The following GABBR2 variants were observed in gnomAD, a reference collection of about 807,000 sequenced individuals.
The protein encoded by GABBR2 is G-protein coupled receptor 51.
GABBR2 carries 23 observed loss-of-function variants against 105.6 expected under a neutral mutation model. That is an observed-to-expected ratio of 0.22 (90% CI 0.16 to 0.31). GABBR2 has a LOEUF of 0.31. Among genes scored for constraint, GABBR2 ranks in the 10% least tolerant of loss-of-function variants. The probability of loss-of-function intolerance (pLI) is 1.00; values close to 1 mark genes in which losing one functional copy is unlikely to be tolerated. For missense variants in GABBR2, 734 were observed against 1,245.5 expected, an observed-to-expected ratio of 0.59 and a Z score of 6.18; for synonymous variants, 478 against 499.7, an observed-to-expected ratio of 0.96 and a Z score of 0.58.
chr9:98,418,430 G>T (rs1832725716), intron 7 of GABBR2, among the ~76,000 whole-genome samples: 1 of 152,074 alleles, frequency 6.6e-6, no homozygotes, highest in African/African-American at 2.4e-5. Flanking sequence ...AGCTACTCAG[G>T]GGGCTGAGGT....
chr9:98,354,759 C>G (rs1831457030), intron 13 of GABBR2, among the ~76,000 whole-genome samples: 1 of 152,202 alleles, frequency 6.6e-6, no homozygotes, highest in African/African-American at 2.4e-5. Flanking sequence ...TTATCCAGAT[C>G]ACTCAAATAT....
chr9:98,623,959 G>A (rs10120452), intron 1 of GABBR2, among the ~76,000 whole-genome samples: 25,519 of 152,134 alleles, frequency 0.17, 2,675 homozygotes, highest in African/African-American at 0.29. Context: ...AGGGCAGCTC[G>A]GTAACTTCTC....
intron 1 of GABBR2, among the ~76,000 whole-genome samples, chr9:98,663,745 G>A (rs564956316): frequency 2.0e-5 from 3 of 151,502 alleles, no homozygotes; most frequent in African/African-American, 2.4e-5. Context: ...TCTGAAGGAA[G>A]GCCTAGGTTC....
At chr9:98,438,823 GCTGCTTTGGTAA>G (rs1275287322) in intron 7 of GABBR2, among the ~76,000 whole-genome samples, 14 of 152,160 alleles carry the variant, frequency 9.2e-5, no homozygotes, top group African/African-American at 3.4e-4. Context: ...AGTACTGTTT[GCTGCTTTGGTAA>G]CTACACAAGC....
intron 13 of GABBR2, among the ~76,000 whole-genome samples, chr9:98,360,082 G>A (rs775399670): frequency 3.3e-5 from 5 of 152,158 alleles, no homozygotes; most frequent in African/African-American, 9.7e-5. Context: ...CTCAGAGTCC[G>A]GAGCACACAG....
Position 98,600,329 on chromosome 9 carries a change from C to T in GABBR2, c.322-22257G>A, listed in dbSNP as rs1005079508. On this transcript the variant is annotated intron_variant, in intron 1 of 18. Coordinates refer to ENST00000259455, the MANE Select transcript of GABBR2 (RefSeq NM_005458.8). The stretch of plus-strand genomic sequence containing the variant: ...GGAGTATTTCTAGCTGACCTCCCCG[C>T]TCCAATAGCATCAACCATCATCTGT... Among the ~76,000 whole-genome samples the T allele has an allele frequency of 2.6e-5, 4 of 152,184 alleles. No individual in the cohort carries two copies. The East Asian group carries it at 7.7e-4, about 29-fold the overall frequency.
At chr9:98,554,484 A>G (rs940045927) in intron 2 of GABBR2, among the ~76,000 whole-genome samples, 3 of 152,224 alleles carry the variant, frequency 2.0e-5, no homozygotes, top group African/African-American at 7.2e-5. Context: ...AAACATATGA[A>G]ACAAAAATCG....
At chr9:98,507,424 T>A (rs1330781028) in intron 3 of GABBR2, among the ~76,000 whole-genome samples, 2 of 152,108 alleles carry the variant, frequency 1.3e-5, no homozygotes, top group Admixed American at 1.3e-4. Context: ...GAACCAAGGC[T>A]CACGGGCAGC....
chr9:98,398,181 G>A (rs1409347212), intron 8 of GABBR2, among the ~76,000 whole-genome samples: 1 of 152,092 alleles, frequency 6.6e-6, no homozygotes, highest in African/African-American at 2.4e-5. Flanking sequence ...CAAATTGGGG[G>A]AGCCAGAATG....
chr9:98,659,841 G>A (rs533440059), intron 1 of GABBR2, among the ~76,000 whole-genome samples: 1 of 151,652 alleles, frequency 6.6e-6, no homozygotes, highest in East Asian at 1.9e-4. Context: ...TTTTAAAAAC[G>A]TATGAACCAT....
At chr9:98,613,912 AC>A (rs1454450137) in intron 1 of GABBR2, among the ~76,000 whole-genome samples, 8 of 152,340 alleles carry the variant, frequency 5.3e-5, no homozygotes, top group African/African-American at 1.9e-4. Flanking sequence ...AAGTTAATGA[AC>A]TACTAACTGT....
chr9:98,492,731 G>A (rs1395456889), intron 4 of GABBR2, among the ~76,000 whole-genome samples: 2 of 152,108 alleles, frequency 1.3e-5, no homozygotes, highest in Non-Finnish European at 2.9e-5. Context: ...ACTGTAATTT[G>A]TCTGATGTTT....
At chr9:98,343,462 G>C (rs142619400) in intron 13 of GABBR2, among the ~76,000 whole-genome samples, 1 of 152,152 alleles carries the variant, frequency 6.6e-6, no homozygotes, top group African/African-American at 2.4e-5. Context: ...TGCTATGAAA[G>C]GAAGGCTTGG....
At chr9:98,511,326 T>C (rs1282393048) in intron 3 of GABBR2, among the ~76,000 whole-genome samples, 2 of 150,362 alleles carry the variant, frequency 1.3e-5, no homozygotes, top group African/African-American at 2.5e-5. Context: ...ATTGACACCC[T>C]AACATCACAA....
intron 13 of GABBR2, among the ~76,000 whole-genome samples, chr9:98,312,144 T>C (rs1179344873): frequency 1.3e-5 from 2 of 152,238 alleles, no homozygotes; most frequent in Non-Finnish European, 2.9e-5. Context: ...TGATACAGTG[T>C]ATTATCTAAT....
intron 3 of GABBR2, among the ~76,000 whole-genome samples, chr9:98,536,532 C>A (rs1828185180): frequency 6.6e-6 from 1 of 152,090 alleles, no homozygotes; most frequent in African/African-American, 2.4e-5. Flanking sequence ...CTGCCCACTG[C>A]CTTCATCTCC....
intron 4 of GABBR2, among the ~76,000 whole-genome samples, chr9:98,485,502 G>GGCACACACACACA (rs1827025815): frequency 2.6e-5 from 4 of 151,526 alleles, no homozygotes; most frequent in African/African-American, 9.7e-5. Flanking sequence ...ATACACACAC[G>GGCACACACACACA]CAGGCACACA....
intron 1 of GABBR2, among the ~76,000 whole-genome samples, chr9:98,598,603 G>A (rs1158143007): frequency 7.6e-5 from 11 of 144,782 alleles, no homozygotes; most frequent in Non-Finnish European, 1.5e-4. Flanking sequence ...ATCCCCAAAC[G>A]TGCGTAACCA....
intron 13 of GABBR2, among the ~76,000 whole-genome samples, chr9:98,352,638 G>A (rs1037151317): frequency 6.6e-6 from 1 of 152,130 alleles, no homozygotes; most frequent in Non-Finnish European, 1.5e-5. Flanking sequence ...ATCCCTGAAG[G>A]TGTCTGCAGG....
Sources: gnomAD v4.1 joint callset for allele counts (sites outside exome capture counted in the v4.1 genomes callset) on GRCh38, gnomAD v4.1.1 for gene constraint, MANE v1.5 for transcripts, NCBI Gene and HGNC (gene_info 2026-07-23, HGNC 2026-07-21) for gene names.